The following BCR variants were observed in gnomAD, a reference collection of about 807,000 sequenced individuals.
BCR encodes the protein breakpoint cluster region protein.
BCR carries 58 observed loss-of-function variants against 138.6 expected under a neutral mutation model. The ratio of observed to expected loss-of-function variants is 0.42; its 90% CI spans 0.34 to 0.52. BCR has a LOEUF of 0.52. Ranked by LOEUF, BCR falls within the 20% of genes least tolerant of loss-of-function variation. The pLI is 0.06. For synonymous variants in BCR, 786 were observed against 730.1 expected, an observed-to-expected ratio of 1.08 and a Z score of -1.23; for missense variants, 1,599 against 1,727.2, an observed-to-expected ratio of 0.93 and a Z score of 1.32.
rs1466611964 is a variant in BCR at position 23,263,125 on chromosome 22, C to T, written c.1752+1585C>T. The T allele has an allele frequency of 5.7e-6, 4 of 707,948 alleles. No individual in the cohort carries two copies. In the Admixed American group the frequency reaches 9.0e-5, roughly 16 times the overall value. 43.9% of individuals were successfully genotyped at this position (707,948 alleles called of 1,614,324 possible). On this transcript the variant is annotated intron_variant, in intron 4 of 22. Transcript: ENST00000305877. ...CAGGTTTGGGCCTACATCCCGGGGACAGGGGCGGCCATGGCGGCGGCAGCC... is the reference window on the plus strand; with the variant it reads ...CAGGTTTGGGCCTACATCCCGGGGATAGGGGCGGCCATGGCGGCGGCAGCC...
intron 6 of BCR, 60 bp downstream of exon 6, chr22:23,271,652 G>A: frequency 6.4e-7 from 1 of 1,558,238 alleles, no homozygotes; most frequent in Non-Finnish European, 8.8e-7. Context: ...TGCTGGCAGA[G>A]GGGGCGTTGT....
Position 23,314,531 on chromosome 22 carries a change from C to T in BCR, c.3564-21C>T, listed in dbSNP as rs149026671. 1.8e-4 allele frequency: 296 copies of T among 1,611,784 alleles called. 2 individuals are homozygous for T. In the East Asian group the frequency reaches 4.0e-3, roughly 22 times the overall value. On this transcript the variant is annotated intron_variant, in intron 21 of 22. Coordinates refer to ENST00000305877, the MANE Select transcript of BCR (RefSeq NM_004327.4). ...CTGGGGGTGGCGTTGAAACAGCACC[C>T]GCTGCTTTGGTCCTCTACAGGGTGG... is the stretch of plus-strand genomic sequence containing the variant.
In BCR at chr22:23,297,436, A is replaced by G. The variant is rs1016828670; in HGVS notation, c.3012+2281A>G. Among the ~76,000 whole-genome samples, 11 of 151,780 alleles carry G rather than the reference A, an allele frequency of 7.2e-5. No homozygotes were observed. The South Asian group carries it at 1.3e-3, about 17-fold the overall frequency. On this transcript the variant is annotated intron_variant, in intron 16 of 22. Coordinates refer to ENST00000305877, the MANE Select transcript of BCR (RefSeq NM_004327.4). The stretch of plus-strand genomic sequence containing the variant: ...AGATCTTTGAGAGAGCTCATTTGAC[A>G]CTCAGGAGATGCTTCTCTAACCTGC...
At chr22:23,274,972 G>A (rs2073558155) in intron 8 of BCR, among the ~76,000 whole-genome samples, 2 of 151,734 alleles carry the variant, frequency 1.3e-5, no homozygotes, top group South Asian at 4.2e-4. Context: ...CATGGGCCAG[G>A]TGGTCGGCAC....
At chr22:23,277,204 T>A (rs1234912953) in intron 8 of BCR, among the ~76,000 whole-genome samples, 3 of 152,274 alleles carry the variant, frequency 2.0e-5, no homozygotes, top group Non-Finnish European at 2.9e-5. Context: ...AGAAAGGGAC[T>A]GTGCCTCTGC....
At chr22:23,256,861 G>T (rs575285846) in intron 2 of BCR, among the ~76,000 whole-genome samples, 1 of 152,252 alleles carries the variant, frequency 6.6e-6, no homozygotes, top group East Asian at 1.9e-4. Flanking sequence ...AGCCCAGTTT[G>T]TTTTGTGGGT....
intron 21 of BCR, among the ~76,000 whole-genome samples, 197 bp downstream of exon 21, chr22:23,314,270 T>C (rs1471951186): frequency 2.6e-5 from 4 of 152,176 alleles, no homozygotes; most frequent in Non-Finnish European, 5.9e-5. Flanking sequence ...CTCTCTGCAC[T>C]GTGGCCTTAA....
At chr22:23,275,602 A>G (rs1046897912) in intron 8 of BCR, among the ~76,000 whole-genome samples, 3 of 152,168 alleles carry the variant, frequency 2.0e-5, no homozygotes, top group African/African-American at 7.2e-5. Context: ...TCTTGGAGCA[A>G]CAACCGGGCC....
intron 1 of BCR, chr22:23,198,264 G>A (rs372391010): frequency 3.8e-5 from 17 of 451,376 alleles, no homozygotes; most frequent in Admixed American, 3.0e-4. Context: ...AGTGCTCCCC[G>A]AGTGTCCACC....
chr22:23,277,220 C>T (rs868141553), intron 8 of BCR, among the ~76,000 whole-genome samples: 9 of 152,364 alleles, frequency 5.9e-5, no homozygotes, highest in Middle Eastern at 3.4e-3. Flanking sequence ...TCTGCATTCT[C>T]ATGACAGTTC....
intron 6 of BCR, 115 bp from the exon 7 acceptor site, chr22:23,272,966 G>A (rs2073526680): frequency 3.6e-6 from 4 of 1,113,708 alleles, no homozygotes; most frequent in African/African-American, 3.1e-5. Context: ...AGGGGAGATG[G>A]GGCCTGTGGA....
At chr22:23,223,327 T>C (rs973885965) in intron 1 of BCR, among the ~76,000 whole-genome samples, 1 of 152,192 alleles carries the variant, frequency 6.6e-6, no homozygotes, top group African/African-American at 2.4e-5. Context: ...TGTGTGTACA[T>C]GCATATCTCC....
At chr22:23,299,915 G>A (rs1363046784) in intron 16 of BCR, among the ~76,000 whole-genome samples, 2 of 152,222 alleles carry the variant, frequency 1.3e-5, no homozygotes, top group Non-Finnish European at 2.9e-5. Flanking sequence ...AGGGGGTCGG[G>A]GAGTTCAGAG....
At chr22:23,314,184 C>T in intron 21 of BCR, 111 bp downstream of exon 21, 1 of 870,028 alleles carries the variant, frequency 1.1e-6, no homozygotes, top group Non-Finnish European at 1.8e-6. Flanking sequence ...TGACCCTTGT[C>T]TGCAGTCACT....
chr22:23,227,928 G>A (rs543626949), intron 1 of BCR, among the ~76,000 whole-genome samples: 20 of 152,290 alleles, frequency 1.3e-4, no homozygotes, highest in African/African-American at 3.9e-4. Context: ...ATGGTTAGGG[G>A]TATGGGGGTC....
At position 23,181,293 on chromosome 22, in the gene BCR, G is replaced by A. The variant is rs2146188242; in HGVS notation, c.333G>A (p.Glu111=). 7.6e-7 allele frequency: 1 copy of A among 1,312,768 alleles called. No individual in the cohort carries two copies. Among genetic ancestry groups the A allele is most frequent in the East Asian group, 3.2e-5 (1 of 31,690 alleles). The allele number at this position is 1,312,768 out of a possible 1,614,324, so 81.3% of individuals were successfully genotyped here. A position where few individuals can be genotyped will look rare whatever the true frequency, so the allele number is the denominator to read the frequency against. The change falls in exon 1 of 23, where the codon GAG becomes GAA. Residue 111 remains glutamate, a synonymous_variant. Transcript: ENST00000305877. ...ACGGAGCCGACCCGCCGCCCGCCGA[G>A]GAGCCCGAGGCCCGGCCCGACGGCG... ...PADGADPPPA[E]EPEARPDGEG...
chr22:23,262,867 G>A (rs992915397), intron 4 of BCR: 82 of 1,054,330 alleles, frequency 7.8e-5, no homozygotes, highest in Admixed American at 1.1e-4. Flanking sequence ...GCCGCAGACG[G>A]CGAAGGAGGC....
At position 23,268,522 on chromosome 22, in the gene BCR, C is replaced by T; in HGVS notation, c.1860+7C>T. 1 of 1,610,200 alleles carries T rather than the reference C, an allele frequency of 6.2e-7. No individual in the cohort carries two copies. Among genetic ancestry groups the T allele is most frequent in the Non-Finnish European group, 8.5e-7 (1 of 1,177,100 alleles). ...GTTTGCAGAAATCTCCGAGGTAATG[C>T]CTTGATGCCGTTCAGACAGGTGCAC... is the stretch of plus-strand genomic sequence containing the variant. On this transcript the variant is annotated splice_region_variant and intron_variant, in intron 5 of 22. Coordinates refer to ENST00000305877, the MANE Select transcript of BCR (RefSeq NM_004327.4).
At position 23,285,084 on chromosome 22, in the gene BCR, C is replaced by G. The variant is rs2073695998; in HGVS notation, c.2289C>G (p.Ser763Arg). 1.2e-6 allele frequency: 2 copies of G among 1,614,152 alleles called. No individual in the cohort carries two copies. Among genetic ancestry groups the G allele is most frequent in the Non-Finnish European group, 1.7e-6 (2 of 1,180,026 alleles). Residue 763 changes from serine (S) to arginine (R), a missense_variant, in exon 10 of 23, where the codon AGC (serine) becomes AGG (arginine). Ser to Arg is a moderately radical substitution (Grantham distance 110). Around this residue, in one of 4 missense-constraint regions of BCR, gnomAD observed 590 missense variants for 762.4 expected, o/e 0.77. Coordinates refer to ENST00000305877, the MANE Select transcript of BCR (RefSeq NM_004327.4). ...CKWYIPLTDL[S>R]FQMVDELEAV... is the part of the protein sequence containing the mutation. ...GGTACATTCCGCTCACGGATCTCAG[C>G]TTCCAGATGGTGGATGAACTGGAGG...
Sources: gnomAD v4.1 joint callset for allele counts (sites outside exome capture counted in the v4.1 genomes callset) on GRCh38, gnomAD v4.1.1 for gene constraint, gnomAD v4.1.1 regional missense constraint, MANE v1.5 for transcripts, NCBI Gene and HGNC (gene_info 2026-07-23, HGNC 2026-07-21) for gene names.